Variants in CDH13 observed in about 807,000 individuals in gnomAD.
CDH13 encodes the protein cadherin 13, also known as cadherin-13.
Under a neutral mutation model 63.8 loss-of-function variants are expected in CDH13, and 24 were observed. The ratio of observed to expected loss-of-function variants is 0.38; its 90% CI spans 0.27 to 0.53. The LOEUF is 0.53. Ranked by LOEUF, CDH13 falls within the 20% of genes least tolerant of loss-of-function variation. The pLI, the probability that CDH13 is intolerant of heterozygous loss-of-function variation, is 0.85. For missense variants in CDH13, 1,049 were observed against 903.1 expected, an observed-to-expected ratio of 1.16 and a Z score of -2.07; for synonymous variants, 503 against 355.3, an observed-to-expected ratio of 1.42 and a Z score of -4.67.
chr16:82,951,375 C>G (rs565036627), intron 2 of CDH13, among the ~76,000 whole-genome samples: 30 of 152,262 alleles, frequency 2.0e-4, no homozygotes, highest in African/African-American at 6.5e-4. Flanking sequence ...CTGTCCTGAG[C>G]TGGAGGTATA....
chr16:82,905,044 C>G (rs1039544616), intron 2 of CDH13, among the ~76,000 whole-genome samples: 31 of 152,138 alleles, frequency 2.0e-4, no homozygotes, highest in Admixed American at 6.5e-5. Context: ...TTGGACTCTT[C>G]CCTAGAAGCA....
chr16:83,146,093 C>T (rs913066134), intron 4 of CDH13, among the ~76,000 whole-genome samples: 5 of 150,614 alleles, frequency 3.3e-5, no homozygotes, highest in African/African-American at 1.2e-4. Flanking sequence ...ACTCAGAAGG[C>T]TGGGGCAGGA....
intron 1 of CDH13, among the ~76,000 whole-genome samples, chr16:82,671,513 C>G (rs1410965248): frequency 1.3e-5 from 2 of 152,106 alleles, no homozygotes; most frequent in South Asian, 2.1e-4. Context: ...AACGATTACA[C>G]CTATACCTTC....
At chr16:83,344,206 C>T (rs1186389166) in intron 5 of CDH13, among the ~76,000 whole-genome samples, 1 of 152,204 alleles carries the variant, frequency 6.6e-6, no homozygotes, top group Admixed American at 6.5e-5. Context: ...TGACATAATT[C>T]TTCGTTTCCA....
intron 5 of CDH13, among the ~76,000 whole-genome samples, chr16:83,302,701 C>T (rs2042435): frequency 0.51 from 77,734 of 151,832 alleles, 20,770 homozygotes; most frequent in South Asian, 0.66. Context: ...GATAAGTCAA[C>T]AAGATTACAA....
At chr16:83,624,975 C>T (rs1001548281) in intron 8 of CDH13, among the ~76,000 whole-genome samples, 16 of 152,262 alleles carry the variant, frequency 1.1e-4, no homozygotes, top group African/African-American at 3.4e-4. Context: ...CATGTCTTGC[C>T]GGTTCTGCAT....
At chr16:83,738,369 G>T (rs976936813) in intron 10 of CDH13, among the ~76,000 whole-genome samples, 9 of 152,346 alleles carry the variant, frequency 5.9e-5, no homozygotes, top group African/African-American at 1.9e-4. Flanking sequence ...ACATAGGCTG[G>T]AAGCCTCTAG....
chr16:83,782,832 G>A (rs1281728081), intron 12 of CDH13, among the ~76,000 whole-genome samples: 1 of 152,074 alleles, frequency 6.6e-6, no homozygotes, highest in African/African-American at 2.4e-5. Flanking sequence ...GAGAGCAGGT[G>A]GATTTTCACC....
intron 11 of CDH13, among the ~76,000 whole-genome samples, chr16:83,762,801 T>A (rs1476797740): frequency 6.6e-6 from 1 of 152,180 alleles, no homozygotes; most frequent in Non-Finnish European, 1.5e-5. Flanking sequence ...GGTTCATTGT[T>A]CCATGATTGT....
chr16:83,418,538 A>G (rs1285268984), intron 6 of CDH13, among the ~76,000 whole-genome samples: 1 of 152,214 alleles, frequency 6.6e-6, no homozygotes, highest in African/African-American at 2.4e-5. Flanking sequence ...GGTATGAGGC[A>G]GACTTCAAGT....
chr16:83,609,370 G>A (rs1216746809), intron 8 of CDH13, among the ~76,000 whole-genome samples: 3 of 149,360 alleles, frequency 2.0e-5, no homozygotes, highest in African/African-American at 7.5e-5. Flanking sequence ...CAGTCTTCTT[G>A]TGTAAAAACT....
At chr16:82,977,131 G>C (rs1909627000) in intron 2 of CDH13, among the ~76,000 whole-genome samples, 1 of 152,156 alleles carries the variant, frequency 6.6e-6, no homozygotes, top group Non-Finnish European at 1.5e-5. Flanking sequence ...CACCAATGTG[G>C]CTCCTAAGTT....
chr16:82,836,504 C>G (rs16958749), intron 1 of CDH13, among the ~76,000 whole-genome samples: 18,972 of 152,002 alleles, frequency 0.12, 1,412 homozygotes, highest in African/African-American at 0.19. Flanking sequence ...CCTAAAATTA[C>G]GTGATATGCC....
intron 1 of CDH13, among the ~76,000 whole-genome samples, chr16:82,654,417 A>G (rs1911069833): frequency 6.6e-6 from 1 of 152,188 alleles, no homozygotes; most frequent in South Asian, 2.1e-4. Flanking sequence ...GAATGTTTGA[A>G]AACTTCTCTT....
chr16:83,571,784 G>C (rs1300852348), intron 7 of CDH13, among the ~76,000 whole-genome samples: 1 of 152,122 alleles, frequency 6.6e-6, no homozygotes, highest in African/African-American at 2.4e-5. Flanking sequence ...CTCATATCCT[G>C]TGGTTTGTCT....
chr16:82,847,477 C>T (rs539633263), intron 1 of CDH13, among the ~76,000 whole-genome samples: 1 of 152,060 alleles, frequency 6.6e-6, no homozygotes, highest in South Asian at 2.1e-4. Flanking sequence ...CATCTCATAA[C>T]ATATCACTCT....
chr16:82,910,534 G>A (rs888598439), intron 2 of CDH13, among the ~76,000 whole-genome samples: 5 of 152,000 alleles, frequency 3.3e-5, no homozygotes, highest in African/African-American at 7.3e-5. Context: ...GGAGTCAACC[G>A]ATTCCCTTGC....
At chr16:83,269,852 T>C (rs2088747560) in intron 5 of CDH13, among the ~76,000 whole-genome samples, 1 of 152,216 alleles carries the variant, frequency 6.6e-6, no homozygotes. Flanking sequence ...ACTTTGGGGA[T>C]GATCTCATCT....
At chr16:83,565,360 A>T (rs1352757276) in intron 7 of CDH13, among the ~76,000 whole-genome samples, 1 of 139,458 alleles carries the variant, frequency 7.2e-6, no homozygotes. Flanking sequence ...TGCCCTTGGG[A>T]TTTCCGTTCC....
Sources: allele counts gnomAD v4.1 joint callset (sites outside exome capture counted in the v4.1 genomes callset), GRCh38; gene constraint gnomAD v4.1.1; transcripts MANE v1.5; gene names NCBI Gene and HGNC (gene_info 2026-07-23, HGNC 2026-07-21).